FBXO34: variants seen among roughly 807,000 people sequenced by gnomAD.
FBXO34 encodes the protein F-box protein 34, also known as F-box only protein 34.
Under a neutral mutation model 24.5 loss-of-function variants are expected in FBXO34, and 12 were observed. That is an observed-to-expected ratio of 0.49 (90% confidence interval 0.31 to 0.79). The LOEUF is 0.79. FBXO34 is among the 30% of genes least tolerant of loss of function. The pLI is 0.04. For missense variants in FBXO34, 823 were observed against 857.7 expected, an observed-to-expected ratio of 0.96 and a Z score of 0.51; for synonymous variants, 320 against 311.9, an observed-to-expected ratio of 1.03 and a Z score of -0.27.
chr14:55,425,085 T>G, the FBXO34 span, among the ~76,000 whole-genome samples: 1 of 152,216 alleles, frequency 6.6e-6, no homozygotes, highest in Admixed American at 6.5e-5. Context: ...AAAGCTCCAT[T>G]CAGTTCAGCA....
At chr14:55,344,451 C>G (rs1482364096) in intron 1 of FBXO34, among the ~76,000 whole-genome samples, 1 of 151,964 alleles carries the variant, frequency 6.6e-6, no homozygotes, top group African/African-American at 2.4e-5. Flanking sequence ...TCTTCCTTTC[C>G]TCCTGTTTCT....
intron 1 of FBXO34, among the ~76,000 whole-genome samples, chr14:55,295,735 G>A (rs1270303279): frequency 6.6e-6 from 1 of 152,144 alleles, no homozygotes; most frequent in Non-Finnish European, 1.5e-5. Context: ...GCAGAAAATT[G>A]ATTATTCATT....
chr14:55,337,473 A>G (rs1952891785), intron 1 of FBXO34, among the ~76,000 whole-genome samples: 2 of 152,188 alleles, frequency 1.3e-5, no homozygotes, highest in African/African-American at 4.8e-5. Flanking sequence ...TCCGCTCAAG[A>G]CTATCATATT....
In FBXO34 at chr14:55,308,030, C is replaced by A. The variant is rs73263922; in HGVS notation, c.-11+36493C>A. ...GTTCTCCTCGTGGTAATAAGTCTCACGAGATCCGATGGTTTTATAAATGGG... is the reference window on the plus strand; with the variant it reads ...GTTCTCCTCGTGGTAATAAGTCTCAAGAGATCCGATGGTTTTATAAATGGG... On this transcript the variant is annotated intron_variant, in intron 1 of 1. Transcript: ENST00000313833. Among the ~76,000 whole-genome samples the A allele has an allele frequency of 8.7e-4, 133 of 152,250 alleles. 3 individuals carry two copies. In the South Asian group the frequency reaches 0.027, roughly 31 times the overall value.
chr14:55,394,842 G>A, the FBXO34 span: 3 of 310,820 alleles, frequency 9.7e-6, no homozygotes, highest in Non-Finnish European at 1.9e-5. Context: ...CCCAACTACG[G>A]AATGCTAAGC....
At chr14:55,375,490 ATTT>A in the FBXO34 span, among the ~76,000 whole-genome samples, 71 of 117,794 alleles carry the variant, frequency 6.0e-4, no homozygotes, top group East Asian at 0.012. Flanking sequence ...GCCGGGCTAA[ATTT>A]TTTTTTTTTT....
chr14:55,323,507 C>T (rs1480587752), intron 1 of FBXO34, among the ~76,000 whole-genome samples: 3 of 151,720 alleles, frequency 2.0e-5, no homozygotes, highest in East Asian at 3.9e-4. Context: ...CTCAGCCTCC[C>T]GAGTAGCTGG....
chr14:55,336,037 A>G (rs1348199793), intron 1 of FBXO34, among the ~76,000 whole-genome samples: 1 of 152,174 alleles, frequency 6.6e-6, no homozygotes, highest in African/African-American at 2.4e-5. Context: ...AAATGTTTAT[A>G]TATATATGTC....
At chr14:55,432,442 A>AACAAAGAAAAC in the FBXO34 span, among the ~76,000 whole-genome samples, 4 of 149,082 alleles carry the variant, frequency 2.7e-5, no homozygotes, top group African/African-American at 1.0e-4. Flanking sequence ...ATAAACAAAC[A>AACAAAGAAAAC]ACAAAAAAAA....
intron 1 of FBXO34, among the ~76,000 whole-genome samples, chr14:55,342,849 T>C (rs1211112843): frequency 6.6e-6 from 1 of 152,224 alleles, no homozygotes; most frequent in African/African-American, 2.4e-5. Flanking sequence ...GTCAGAATTA[T>C]TTAATTTTAT....
At chr14:55,429,242 T>C in the FBXO34 span, among the ~76,000 whole-genome samples, 1 of 152,248 alleles carries the variant, frequency 6.6e-6, no homozygotes, top group Non-Finnish European at 1.5e-5. Flanking sequence ...TACTTTTACT[T>C]GGGTGTTATT....
At chr14:55,426,336 G>A in the FBXO34 span, among the ~76,000 whole-genome samples, 59 of 152,144 alleles carry the variant, frequency 3.9e-4, no homozygotes, top group African/African-American at 1.2e-3. Context: ...AAATGATTAT[G>A]TCATAGAAAG....
chr14:55,417,844 C>T, the FBXO34 span, among the ~76,000 whole-genome samples: 1 of 152,090 alleles, frequency 6.6e-6, no homozygotes, highest in Non-Finnish European at 1.5e-5. Flanking sequence ...ATTGTGTGGC[C>T]TGGTGCACTA....
At chr14:55,375,499 T>A in the FBXO34 span, among the ~76,000 whole-genome samples, 4 of 134,736 alleles carry the variant, frequency 3.0e-5, no homozygotes, top group Non-Finnish European at 6.1e-5. Context: ...AATTTTTTTT[T>A]TTTTTTTTTT....
intron 1 of FBXO34, among the ~76,000 whole-genome samples, chr14:55,325,165 A>G (rs747982049): frequency 2.5e-4 from 38 of 152,238 alleles, no homozygotes; most frequent in Non-Finnish European, 5.0e-4. Flanking sequence ...TTATTTCCCT[A>G]TAAGAATTTG....
downstream of FBXO34, among the ~76,000 whole-genome samples, chr14:55,363,006 C>A (rs1884613011): frequency 7.0e-6 from 1 of 142,880 alleles, no homozygotes; most frequent in Non-Finnish European, 1.5e-5. Flanking sequence ...GCCACAGGAC[C>A]CCTTTTTTCT....
At chr14:55,428,947 T>G in the FBXO34 span, 11 of 1,614,176 alleles carry the variant, frequency 6.8e-6, no homozygotes, top group Non-Finnish European at 9.3e-6. Flanking sequence ...GAGCATATTT[T>G]CTTGCTGCAA....
chr14:55,274,942 T>G (rs187740795), intron 1 of FBXO34, among the ~76,000 whole-genome samples: 60 of 152,342 alleles, frequency 3.9e-4, no homozygotes, highest in Non-Finnish European at 7.5e-4. Flanking sequence ...ATTCAGCAAG[T>G]GCATAATCTG....
At chr14:55,337,398 C>G (rs1883820885) in intron 1 of FBXO34, among the ~76,000 whole-genome samples, 1 of 152,184 alleles carries the variant, frequency 6.6e-6, no homozygotes, top group East Asian at 1.9e-4. Flanking sequence ...TGTGCATGTT[C>G]TCTTCCATGT....
Sources: allele counts gnomAD v4.1 joint callset (sites outside exome capture counted in the v4.1 genomes callset), GRCh38; gene constraint gnomAD v4.1.1; transcripts MANE v1.5; gene names NCBI Gene and HGNC (gene_info 2026-07-23, HGNC 2026-07-21).